Variants in CD200R1 observed in about 807,000 individuals in gnomAD.
The protein encoded by CD200R1 is CD200 receptor 1.
CD200R1 carries 30 observed loss-of-function variants against 38.1 expected under a neutral mutation model. That is an observed-to-expected ratio of 0.79 (90% CI 0.59 to 1.07). The LOEUF (loss-of-function observed/expected upper bound fraction) is 1.07. Ranked by LOEUF, CD200R1 falls within the 50% of genes least tolerant of loss-of-function variation. The probability of loss-of-function intolerance (pLI) is 0.00; values close to 1 mark genes in which losing one functional copy is unlikely to be tolerated. For synonymous variants in CD200R1, 128 were observed against 152.1 expected, an observed-to-expected ratio of 0.84 and a Z score of 1.16; for missense variants, 372 against 415.4, an observed-to-expected ratio of 0.90 and a Z score of 0.91.
Position 112,975,033 on chromosome 3 carries a change from T to C in CD200R1, c.-176A>G, listed in dbSNP as rs1435651576. 1 of 579,334 alleles carries C rather than the reference T, an allele frequency of 1.7e-6. No individual in the cohort carries two copies. Among genetic ancestry groups the C allele is most frequent in the Admixed American group, 2.9e-5 (1 of 33,970 alleles). The allele number at this position is 579,334 out of a possible 1,614,324, so 35.9% of individuals were successfully genotyped here. On this transcript the variant is annotated 5_prime_UTR_variant, in exon 1 of 8. Transcript: ENST00000308611. ...CCCCTTCCTTCACGTCTATGTGGTT[T>C]AGCCTGGTTAGTAACTTGGACGAAC...
chr3:112,939,869 CAAA>C (rs199986714), intron 2 of CD200R1, among the ~76,000 whole-genome samples: 1 of 120,388 alleles, frequency 8.3e-6, no homozygotes, highest in Admixed American at 8.5e-5. Context: ...ACAAACAAAC[CAAA>C]AAAAAAAAAA....
chr3:112,963,380 G>A (rs74747429), intron 1 of CD200R1, among the ~76,000 whole-genome samples: 1 of 152,232 alleles, frequency 6.6e-6, no homozygotes. Flanking sequence ...CTAGAGACTT[G>A]TTGAATGGCT....
At chr3:112,933,112 T>C (rs1940491313) in intron 2 of CD200R1, among the ~76,000 whole-genome samples, 1 of 152,092 alleles carries the variant, frequency 6.6e-6, no homozygotes, top group African/African-American at 2.4e-5. Flanking sequence ...GGTGGGGACC[T>C]GTACCCAGGG....
chr3:112,929,403 C>T lies in CD200R1; in HGVS notation c.307G>A (p.Gly103Ser). 6.2e-7 allele frequency: 1 copy of T among 1,613,890 alleles called. No homozygotes were observed. Among genetic ancestry groups the T allele is most frequent in the Non-Finnish European group, 8.5e-7 (1 of 1,179,872 alleles). The part of the protein sequence containing the change: ...IIITWEIILR[G>S]QPSCTKAYKK... ...TAGGCTTTTGTGCAGGAAGGCTGGC[C>T]TCTCAGGATTATTTCCCATGTTATT... Residue 103 changes from glycine (G) to serine (S), a missense_variant, in exon 4 of 8, where the codon GGC (glycine) becomes AGC (serine). Transcript: ENST00000308611.
chr3:112,931,296 A>T (rs1940431097), intron 2 of CD200R1, 125 bp from the exon 3 acceptor site: 4 of 584,816 alleles, frequency 6.8e-6, no homozygotes, highest in Non-Finnish European at 1.2e-5. Context: ...AAAATTACAC[A>T]AAAATCATTG....
chr3:112,960,783 C>A (rs901771597), intron 1 of CD200R1, among the ~76,000 whole-genome samples: 4 of 151,894 alleles, frequency 2.6e-5, no homozygotes, highest in Admixed American at 1.3e-4. Context: ...CTGTTCTTAA[C>A]TGACATAAGT....
chr3:112,959,224 T>C (rs944012061), intron 1 of CD200R1, among the ~76,000 whole-genome samples: 5 of 152,128 alleles, frequency 3.3e-5, no homozygotes, highest in Non-Finnish European at 5.9e-5. Flanking sequence ...CTAATATTCA[T>C]GTATTATTTC....
chr3:112,931,626 T>A (rs1363929436), intron 2 of CD200R1, among the ~76,000 whole-genome samples: 1 of 152,188 alleles, frequency 6.6e-6, no homozygotes, highest in Non-Finnish European at 1.5e-5. Context: ...GAAGCAAAAC[T>A]GAGAAGGGGC....
At position 112,922,291 on chromosome 3, in the gene CD200R1, C is replaced by T. The variant is rs187694265; in HGVS notation, c.*1386G>A. On this transcript the variant is annotated 3_prime_UTR_variant, in exon 8 of 8. Transcript: ENST00000308611. Reference sequence around the variant, plus strand: ...GATGAAAAAACTTCTCATGTTTTTTCTGCTATGGAGCAAATAGACTTATGT... The same window carrying T: ...GATGAAAAAACTTCTCATGTTTTTTTTGCTATGGAGCAAATAGACTTATGT... 3.6e-4 allele frequency: 55 copies of T among 151,956 alleles called. No homozygotes were observed. The East Asian group carries it at 0.01, about 28-fold the overall frequency. The allele number at this position is 151,956 out of a possible 1,614,324, so 9.4% of individuals were successfully genotyped here.
chr3:112,965,684 C>T (rs533876893), intron 1 of CD200R1, among the ~76,000 whole-genome samples: 1 of 152,218 alleles, frequency 6.6e-6, no homozygotes, highest in East Asian at 1.9e-4. Flanking sequence ...TTGCTTGAAC[C>T]CAGGAGGCAG....
chr3:112,965,927 A>T (rs1185127293), intron 1 of CD200R1, among the ~76,000 whole-genome samples: 1 of 151,550 alleles, frequency 6.6e-6, no homozygotes, highest in East Asian at 1.9e-4. Flanking sequence ...AAAGAGATTG[A>T]TATTTCATCT....
chr3:112,953,978 T>C (rs1250597319), intron 1 of CD200R1, among the ~76,000 whole-genome samples: 1 of 152,172 alleles, frequency 6.6e-6, no homozygotes, highest in African/African-American at 2.4e-5. Flanking sequence ...TGCCTCCTTC[T>C]ACTAATTTTG....
At chr3:112,967,951 G>T (rs1318479950) in intron 1 of CD200R1, among the ~76,000 whole-genome samples, 1 of 152,134 alleles carries the variant, frequency 6.6e-6, no homozygotes, top group Non-Finnish European at 1.5e-5. Flanking sequence ...TAATTTGAAG[G>T]TTCCTAAAGT....
Position 112,922,864 on chromosome 3 carries a change from A to G in CD200R1, c.*813T>C, listed in dbSNP as rs1196716948. 6.6e-6 allele frequency: 1 copy of G among 151,914 alleles called. No individual in the cohort carries two copies. The highest frequency in any genetic ancestry group is 1.9e-4 in the East Asian group (1 of 5,188). 9.4% of individuals were successfully genotyped at this position (151,914 alleles called of 1,614,324 possible). ...ATGTTGGAGGGAATTTGACATATATATTTGACACAATTTAACATATATATC... is the reference window on the plus strand; with the variant it reads ...ATGTTGGAGGGAATTTGACATATATGTTTGACACAATTTAACATATATATC... On this transcript the variant is annotated 3_prime_UTR_variant, in exon 8 of 8. Coordinates refer to ENST00000308611, the MANE Select transcript of CD200R1 (RefSeq NM_138806.4).
At chr3:112,925,423 T>C (rs1208404882) in intron 5 of CD200R1, among the ~76,000 whole-genome samples, 1 of 152,102 alleles carries the variant, frequency 6.6e-6, no homozygotes, top group Non-Finnish European at 1.5e-5. Flanking sequence ...AATAAATTAT[T>C]GATTATCTGG....
At chr3:112,956,748 G>A (rs1165055815) in intron 1 of CD200R1, among the ~76,000 whole-genome samples, 2 of 152,170 alleles carry the variant, frequency 1.3e-5, no homozygotes, top group African/African-American at 4.8e-5. Flanking sequence ...GGAGCACTAG[G>A]AGCATCCTAA....
chr3:112,932,207 C>A (rs1940460015), intron 2 of CD200R1, among the ~76,000 whole-genome samples: 1 of 152,086 alleles, frequency 6.6e-6, no homozygotes, highest in Non-Finnish European at 1.5e-5. Context: ...TACACCGTGT[C>A]CTGGGGACTA....
chr3:112,932,061 A>G (rs1488618193), intron 2 of CD200R1, among the ~76,000 whole-genome samples: 2 of 152,148 alleles, frequency 1.3e-5, no homozygotes, highest in Non-Finnish European at 2.9e-5. Context: ...CCCAGTGTGG[A>G]GTGCTACCAG....
intron 1 of CD200R1, 75 bp from the exon 2 acceptor site, chr3:112,947,999 A>AT (rs1576142003): frequency 2.2e-6 from 2 of 913,386 alleles, no homozygotes. Flanking sequence ...TTAAAATCAT[A>AT]TTTTTTCACA....
Sources: allele counts gnomAD v4.1 joint callset (sites outside exome capture counted in the v4.1 genomes callset), GRCh38; gene constraint gnomAD v4.1.1; transcripts MANE v1.5; gene names NCBI Gene and HGNC (gene_info 2026-07-23, HGNC 2026-07-21).